CCNB3: variants seen among roughly 807,000 people sequenced by gnomAD.
CCNB3 encodes the protein cyclin B3.
In CCNB3, 12 loss-of-function variants were observed where a neutral mutation model predicts 68.0. The ratio of observed to expected loss-of-function variants is 0.18; its 90% CI spans 0.11 to 0.29. The LOEUF (loss-of-function observed/expected upper bound fraction) is 0.29, where lower values mean the gene tolerates loss of function less well. CCNB3 is among the 10% of genes least tolerant of loss of function. CCNB3 has a pLI of 1.00. For missense variants in CCNB3, 904 were observed against 993.1 expected (o/e 0.91, Z 1.21); for synonymous variants, 354 against 388.9 (o/e 0.91, Z 1.06).
intron 1 of CCNB3, among the ~76,000 whole-genome samples, chrX:50,279,455 TATATATAA>T (rs1229462589): frequency 1.2e-5 from 1 of 81,343 alleles, no homozygotes; most frequent in African/African-American, 4.7e-5. Flanking sequence ...AATATATAAA[TATATATAA>T]ATATATAAAT....
intron 11 of CCNB3, among the ~76,000 whole-genome samples, chrX:50,349,328 C>T (rs963708635): frequency 2.5e-4 from 28 of 112,079 alleles, no homozygotes; most frequent in African/African-American, 9.1e-4. Flanking sequence ...ACAGATGAGA[C>T]CAGAATGGTA....
intron 3 of CCNB3, among the ~76,000 whole-genome samples, chrX:50,287,799 C>T (rs993314920): frequency 2.7e-5 from 3 of 110,825 alleles, no homozygotes; most frequent in Non-Finnish European, 5.7e-5. Context: ...CAGTACTAGT[C>T]TGTGGCCTGT....
chrX:50,345,165 C>T (rs1433520541), intron 9 of CCNB3, among the ~76,000 whole-genome samples: 3 of 107,352 alleles, frequency 2.8e-5, no homozygotes, highest in African/African-American at 1.0e-4. Flanking sequence ...CACCACCCCA[C>T]TCTCCTTTGT....
At chrX:50,215,894 A>G (rs1264930935) in intron 1 of CCNB3, among the ~76,000 whole-genome samples, 1 of 86,799 alleles carries the variant, frequency 1.2e-5, no homozygotes, top group Non-Finnish European at 2.3e-5. Context: ...ATATCATTGT[A>G]TTTGAAGGGG....
intron 1 of CCNB3, among the ~76,000 whole-genome samples, chrX:50,219,386 G>T (rs1240982088): frequency 1.8e-5 from 2 of 111,159 alleles, no homozygotes; most frequent in Admixed American, 9.6e-5. Flanking sequence ...TTTTCTTCGG[G>T]GGTTTTTATG....
chrX:50,223,078 C>T (rs1176077378), intron 1 of CCNB3, among the ~76,000 whole-genome samples: 2 of 110,559 alleles, frequency 1.8e-5, no homozygotes, highest in African/African-American at 6.6e-5. Flanking sequence ...GTGCATGCTT[C>T]ACGAAGTTCT....
chrX:50,280,297 T>C (rs1312379117), intron 1 of CCNB3, among the ~76,000 whole-genome samples: 1 of 100,727 alleles, frequency 9.9e-6, no homozygotes, highest in Non-Finnish European at 2.0e-5. Context: ...AGAATATAGA[T>C]ATAAATATAT....
chrX:50,309,408 C>T lies in CCNB3; in HGVS notation c.1239C>T (p.Leu413=), dbSNP rs1557214183. The T allele has an allele frequency of 4.1e-6, 5 of 1,211,031 alleles. No individual in the cohort carries two copies. The Admixed American group carries it at 1.1e-4, about 26-fold the overall frequency. ...LQEITSGEKS[L]IMKPLSIKEK... ...AGATCACCTCTGGAGAGAAGTCGCTCATTATGAAGCCATTGTCCATTAAAG... is the reference window on the plus strand; with the variant it reads ...AGATCACCTCTGGAGAGAAGTCGCTTATTATGAAGCCATTGTCCATTAAAG... Residue 413 remains leucine, a synonymous_variant, in exon 6 of 13, where the codon CTC becomes CTT. Coordinates refer to ENST00000376042, the MANE Select transcript of CCNB3 (RefSeq NM_033031.3).
chrX:50,309,789 A>G lies in CCNB3; in HGVS notation c.1620A>G (p.Gln540=). ...CTTTAAAGAAAAAGTGTACCACACA[A>G]GAGATGATGTCCATCTGTCCAGAAC... ...KVSLKKKCTT[Q]EMMSICPELL... Residue 540 remains glutamine, a synonymous_variant, in exon 6 of 13, where the codon CAA becomes CAG. Transcript: ENST00000376042. 1 of 1,210,693 alleles carries G rather than the reference A, an allele frequency of 8.3e-7. No individual in the cohort carries two copies. Among genetic ancestry groups the G allele is most frequent in the East Asian group, 3.0e-5 (1 of 33,823 alleles).
rs782008142 is a variant in CCNB3 at position 50,294,951 on chromosome X, A to G, written c.293A>G (p.His98Arg). The change falls in exon 5 of 13, where the codon CAT becomes CGT. Residue 98 changes from histidine to arginine, a missense_variant. Transcript: ENST00000376042. ...TCCAAGAAGATAAACAGGAACACACATGCTCTTGGACTGGCCAAAAAGAAT... is the reference window on the plus strand; with the variant it reads ...TCCAAGAAGATAAACAGGAACACACGTGCTCTTGGACTGGCCAAAAAGAAT... ...VVSKKINRNTHALGLAKKNKR... is the reference protein window; with the variant it reads ...VVSKKINRNTRALGLAKKNKR... 5.8e-6 allele frequency: 7 copies of G among 1,210,142 alleles called. No homozygotes were observed. The Middle Eastern group carries it at 6.9e-4, about 119-fold the overall frequency.
chrX:50,319,030 A>G (rs1304129735), intron 8 of CCNB3, among the ~76,000 whole-genome samples: 2 of 111,952 alleles, frequency 1.8e-5, no homozygotes, highest in Non-Finnish European at 3.8e-5. Context: ...GACTACTGAC[A>G]GGACTCTTGG....
At chrX:50,324,811 C>G (rs1336427027) in intron 8 of CCNB3, among the ~76,000 whole-genome samples, 1 of 111,810 alleles carries the variant, frequency 8.9e-6, no homozygotes, top group Non-Finnish European at 1.9e-5. Flanking sequence ...AGTGTTGTAG[C>G]TATCTTGATT....
At chrX:50,283,914 A>T (rs549044692) in intron 1 of CCNB3, among the ~76,000 whole-genome samples, 1 of 109,218 alleles carries the variant, frequency 9.2e-6, no homozygotes, top group Admixed American at 9.9e-5. Flanking sequence ...CATGACAGAC[A>T]CATATAAATT....
intron 4 of CCNB3, among the ~76,000 whole-genome samples, chrX:50,293,293 A>G (rs1381470659): frequency 9.1e-6 from 1 of 110,181 alleles, no homozygotes; most frequent in Non-Finnish European, 1.9e-5. Context: ...TGTCTGTTTT[A>G]TTAATTTTTT....
intron 1 of CCNB3, among the ~76,000 whole-genome samples, chrX:50,283,417 C>T (rs1936176831): frequency 9.0e-6 from 1 of 111,664 alleles, no homozygotes; most frequent in Non-Finnish European, 1.9e-5. Flanking sequence ...AGAATTGTAC[C>T]TGCCTTGCTT....
intron 1 of CCNB3, among the ~76,000 whole-genome samples, chrX:50,206,025 C>T (rs1386947598): frequency 9.3e-6 from 1 of 107,339 alleles, no homozygotes; most frequent in African/African-American, 3.4e-5. Context: ...CTGAGGCAGG[C>T]GGATCACGAG....
chrX:50,331,018 G>A (rs1922567455), intron 8 of CCNB3, among the ~76,000 whole-genome samples: 2 of 111,509 alleles, frequency 1.8e-5, no homozygotes, highest in South Asian at 7.7e-4. Flanking sequence ...ATGTAAATGG[G>A]GGTCCGGTAT....
rs913965099 is a variant in CCNB3, at chrX:50,295,100, A to G, written c.335+107A>G. ...AGCAAGCCACAATGGTGACTACCAC[A>G]TTAACCCTGGGTGCTGAGGTGGGCT... is the stretch of plus-strand genomic sequence containing the variant. On this transcript the variant is annotated intron_variant, in intron 5 of 12. Coordinates refer to ENST00000376042, the MANE Select transcript of CCNB3 (RefSeq NM_033031.3). 61 of 851,716 alleles carry G rather than the reference A, an allele frequency of 7.2e-5. 1 individual carries two copies. The Middle Eastern group carries it at 3.0e-3, about 42-fold the overall frequency. The allele number at this position is 851,716 out of a possible 1,213,427, so 70.2% of individuals were successfully genotyped here.
intron 1 of CCNB3, among the ~76,000 whole-genome samples, chrX:50,220,795 G>A (rs1472466450): frequency 8.9e-6 from 1 of 111,809 alleles, no homozygotes; most frequent in Non-Finnish European, 1.9e-5. Context: ...CATAAGATGA[G>A]TTATGGAGGA....
Sources: gnomAD v4.1 joint callset for allele counts (sites outside exome capture counted in the v4.1 genomes callset) on GRCh38, gnomAD v4.1.1 for gene constraint, MANE v1.5 for transcripts, NCBI Gene and HGNC (gene_info 2026-07-23, HGNC 2026-07-21) for gene names.